The following SLC24A2 variants were observed in gnomAD, a reference collection of about 807,000 sequenced individuals.
SLC24A2 encodes the protein solute carrier family 24 member 2, also known as sodium/potassium/calcium exchanger 2.
A neutral mutation model predicts 62.0 loss-of-function variants in SLC24A2; 36 were observed. The ratio of observed to expected loss-of-function variants is 0.58; its 90% CI spans 0.44 to 0.77. The LOEUF is 0.77. Ranked by LOEUF, SLC24A2 falls within the 30% of genes least tolerant of loss-of-function variation. The pLI, the probability that SLC24A2 is intolerant of heterozygous loss-of-function variation, is 0.00. For synonymous variants in SLC24A2, 358 were observed against 294.0 expected (o/e 1.22, Z -2.23); for missense variants, 846 against 817.9 (o/e 1.03, Z -0.42).
chr9:19,913,983 A>C, the SLC24A2 span, among the ~76,000 whole-genome samples: 3 of 151,862 alleles, frequency 2.0e-5, no homozygotes, highest in Admixed American at 2.0e-4. Context: ...AAAAACCTAC[A>C]ATCTTGATCA....
intron 4 of SLC24A2, among the ~76,000 whole-genome samples, chr9:19,608,860 C>T (rs1392753534): frequency 1.3e-5 from 2 of 152,044 alleles, no homozygotes; most frequent in Non-Finnish European, 2.9e-5. Context: ...GGAGAGACTG[C>T]TAGAGCGTTA....
intron 2 of SLC24A2, among the ~76,000 whole-genome samples, chr9:19,726,132 T>C (rs1401640315): frequency 1.3e-5 from 2 of 152,212 alleles, no homozygotes; most frequent in Non-Finnish European, 2.9e-5. Context: ...TCAAGATTTC[T>C]GCCTGCAGCT....
At chr9:19,932,174 A>G in the SLC24A2 span, among the ~76,000 whole-genome samples, 2 of 152,338 alleles carry the variant, frequency 1.3e-5, no homozygotes, top group African/African-American at 4.8e-5. Flanking sequence ...AAAGGAAACC[A>G]TTTAAATAGT....
At chr9:19,745,091 G>A (rs986784264) in intron 2 of SLC24A2, among the ~76,000 whole-genome samples, 12 of 152,104 alleles carry the variant, frequency 7.9e-5, no homozygotes, top group African/African-American at 2.4e-4. Flanking sequence ...CATCCCTTTG[G>A]TATTGAGTGA....
the SLC24A2 span, among the ~76,000 whole-genome samples, chr9:20,002,956 C>T: frequency 6.6e-6 from 1 of 152,136 alleles, no homozygotes; most frequent in Non-Finnish European, 1.5e-5. Context: ...GTTTAGATGG[C>T]TCTGTGCTTG....
chr9:19,986,274 G>C, the SLC24A2 span, among the ~76,000 whole-genome samples: 2 of 152,172 alleles, frequency 1.3e-5, no homozygotes, highest in South Asian at 2.1e-4. Context: ...TAGAAAATAA[G>C]TATAAGTGAA....
At chr9:19,941,613 G>T in the SLC24A2 span, among the ~76,000 whole-genome samples, 1 of 151,514 alleles carries the variant, frequency 6.6e-6, no homozygotes, top group African/African-American at 2.4e-5. Flanking sequence ...GAGAGAGAAA[G>T]AGAGAGTTGT....
At position 19,576,999 on chromosome 9, in the gene SLC24A2, T is replaced by C; in HGVS notation, c.1153A>G (p.Ile385Val). The change falls in exon 6 of 11, where the codon ATT becomes GTT. Residue 385 changes from isoleucine to valine, a missense_variant. Physicochemically the swap from Ile to Val is conservative, Grantham distance 29. Transcript: ENST00000341998. ...EEGRFREKAS[I>V]LHKIAKKKCH... Reference sequence around the variant, plus strand: ...TTCTTCTTGGCGATCTTGTGGAGAATTGAAGCCTTTTCTCTGAACCTCCCT... The same window carrying C: ...TTCTTCTTGGCGATCTTGTGGAGAACTGAAGCCTTTTCTCTGAACCTCCCT... The C allele has an allele frequency of 4.3e-6, 7 of 1,614,132 alleles. No homozygotes were observed. The highest frequency in any genetic ancestry group is 5.9e-6 in the Non-Finnish European group (7 of 1,179,990).
At chr9:19,556,480 A>G (rs1835092128) in intron 7 of SLC24A2, among the ~76,000 whole-genome samples, 1 of 152,206 alleles carries the variant, frequency 6.6e-6, no homozygotes, top group Non-Finnish European at 1.5e-5. Context: ...AAAACTCAGG[A>G]GGCATCTGAA....
At chr9:20,142,828 T>G in the SLC24A2 span, among the ~76,000 whole-genome samples, 2 of 152,182 alleles carry the variant, frequency 1.3e-5, no homozygotes, top group Admixed American at 1.3e-4. Flanking sequence ...ACTCCTGACC[T>G]CAAGTTATCC....
chr9:19,969,183 C>CCACACACACACACACACACACACA, the SLC24A2 span, among the ~76,000 whole-genome samples: 11 of 122,182 alleles, frequency 9.0e-5, no homozygotes, highest in Admixed American at 2.6e-4. Flanking sequence ...ACCTCCTTTG[C>CCACACACACACACACACACACACA]CACACACACA....
At chr9:19,662,306 T>A (rs986241647) in intron 2 of SLC24A2, among the ~76,000 whole-genome samples, 3 of 152,174 alleles carry the variant, frequency 2.0e-5, no homozygotes, top group African/African-American at 7.2e-5. Context: ...AAAACCAGAG[T>A]GTGTGTTAAT....
At chr9:20,157,759 A>C in the SLC24A2 span, among the ~76,000 whole-genome samples, 1 of 151,626 alleles carries the variant, frequency 6.6e-6, no homozygotes, top group Admixed American at 6.6e-5. Flanking sequence ...TAAAATTATT[A>C]ATCCTACAGA....
chr9:19,678,924 T>G (rs1212900950), intron 2 of SLC24A2, among the ~76,000 whole-genome samples: 1 of 152,216 alleles, frequency 6.6e-6, no homozygotes, highest in Non-Finnish European at 1.5e-5. Context: ...TATATTTCAG[T>G]CAGTCTGTGC....
chr9:19,885,671 G>T, the SLC24A2 span, among the ~76,000 whole-genome samples: 1 of 152,064 alleles, frequency 6.6e-6, no homozygotes, highest in Non-Finnish European at 1.5e-5. Context: ...GTGTCATGGG[G>T]GTTTGGTGTA....
At chr9:19,555,579 G>T (rs1476286413) in intron 7 of SLC24A2, among the ~76,000 whole-genome samples, 1 of 152,152 alleles carries the variant, frequency 6.6e-6, no homozygotes, top group Non-Finnish European at 1.5e-5. Flanking sequence ...AAAAAGGTGA[G>T]GCAGGCGTAA....
the SLC24A2 span, among the ~76,000 whole-genome samples, chr9:20,121,413 G>A: frequency 5.3e-5 from 8 of 151,948 alleles, no homozygotes; most frequent in Non-Finnish European, 1.2e-4. Flanking sequence ...TCCAGGGGTT[G>A]GAAAACTTTT....
rs910680365 is a variant in SLC24A2, at chr9:19,529,916, A to AT, written c.1480-1779dup. Among the ~76,000 whole-genome samples, 281 of 151,222 alleles carry AT rather than the reference A, an allele frequency of 1.9e-3. 1 individual carries two copies. Among genetic ancestry groups the AT allele is most frequent in the African/African-American group, 6.5e-3 (267 of 41,182 alleles). On this transcript the variant is annotated intron_variant, in intron 8 of 10. Coordinates refer to ENST00000341998, the MANE Select transcript of SLC24A2 (RefSeq NM_020344.4). ...AGGCACCTGCCACCACACCCCACTA[A>AT]TTTTTTTGTATTTTTTAGTAGAGGC...
chr9:20,075,892 G>A, the SLC24A2 span, among the ~76,000 whole-genome samples: 2 of 152,074 alleles, frequency 1.3e-5, 1 homozygote, highest in South Asian at 4.1e-4. Context: ...CAAAATTCAT[G>A]GATACTCAAG....
Sources: allele counts gnomAD v4.1 joint callset (sites outside exome capture counted in the v4.1 genomes callset), GRCh38; gene constraint gnomAD v4.1.1; transcripts MANE v1.5; gene names NCBI Gene and HGNC (gene_info 2026-07-23, HGNC 2026-07-21).